The following DERPC variants were observed in gnomAD, a reference collection of about 807,000 sequenced individuals.
DERPC encodes the protein decreased expression in renal and prostate cancer protein.
A neutral mutation model predicts 7.2 loss-of-function variants in DERPC; 1 was observed. That is an observed-to-expected ratio of 0.14 (90% CI 0.05 to 0.66). DERPC has a LOEUF of 0.66. Among genes scored for constraint, DERPC ranks in the 30% least tolerant of loss-of-function variants. The pLI, the probability that DERPC is intolerant of heterozygous loss-of-function variation, is 0.84. For missense variants in DERPC, 502 were observed against 299.4 expected (o/e 1.68, Z -4.99); for synonymous variants, 185 against 117.6 (o/e 1.57, Z -3.71).
rs1462868591 is a variant in DERPC, at chr16:69,119,277, G to GGTA, written c.1149_1151dup (p.Thr384dup). Reference sequence around the variant, plus strand: ...CCTGGAGGCCAGCGGACCTTTGGAAGGTAGCTGGGTTTGATGCCAATGTGC... The same window carrying GGTA: ...CCTGGAGGCCAGCGGACCTTTGGAAGGTAGTAGCTGGGTTTGATGCCAATGTGC... On this transcript the variant is annotated inframe_insertion, in exon 3 of 3. Coordinates refer to ENST00000519520, the MANE Select transcript of DERPC (RefSeq NM_001002847.4). The GGTA allele has an allele frequency of 1.4e-6, 1 of 703,076 alleles. No individual in the cohort carries two copies. The highest frequency in any genetic ancestry group is 2.7e-5 in the East Asian group (1 of 37,286). The allele number at this position is 703,076 out of a possible 1,614,324, so 43.6% of individuals were successfully genotyped here.
chr16:69,119,490 C>T lies in DERPC; in HGVS notation c.939G>A (p.Met313Ile). The T allele has an allele frequency of 1.4e-6, 1 of 702,980 alleles. No homozygotes were observed. Among genetic ancestry groups the T allele is most frequent in the South Asian group, 1.5e-5 (1 of 67,598 alleles). 43.5% of individuals were successfully genotyped at this position (702,980 alleles called of 1,614,324 possible). A position where few individuals can be genotyped will look rare whatever the true frequency, so the allele number is the denominator to read the frequency against. ...GAGAGCTAGGACCCGAGTTTGGGCC[C>T]ATGGGGCCAGGTACTCTTGCCATGG... Reference protein sequence around the residue: ...PSSMARVPGPMGPNSGPSSRG... With the variant: ...PSSMARVPGPIGPNSGPSSRG... The change falls in exon 3 of 3, where the codon ATG (methionine) becomes ATA (isoleucine). Residue 313 changes from methionine (M) to isoleucine (I), a missense_variant. By Grantham distance (10) the Met-to-Ile change is conservative (BLOSUM62 1). Coordinates refer to ENST00000519520, the MANE Select transcript of DERPC (RefSeq NM_001002847.4).
At chr16:69,122,434 G>A (rs1018313646) in intron 1 of DERPC, among the ~76,000 whole-genome samples, 9 of 150,018 alleles carry the variant, frequency 6.0e-5, no homozygotes, top group East Asian at 2.0e-4. Flanking sequence ...GCGCAGTGGC[G>A]CCATCTCGGC....
intron 1 of DERPC, among the ~76,000 whole-genome samples, chr16:69,126,808 GTTAT>G (rs1962091585): frequency 6.6e-6 from 1 of 152,122 alleles, no homozygotes; most frequent in East Asian, 1.9e-4. Context: ...CCTGAATTCT[GTTAT>G]TTCTTTTCTT....
Position 69,131,803 on chromosome 16 carries a change from G to A in DERPC, c.-280+681C>T, listed in dbSNP as rs949616244. Among the ~76,000 whole-genome samples, 13 of 151,312 alleles carry A rather than the reference G, an allele frequency of 8.6e-5. No homozygotes were observed. In the East Asian group the frequency reaches 2.6e-3, roughly 30 times the overall value. On this transcript the variant is annotated intron_variant, in intron 1 of 2. Coordinates refer to ENST00000519520, the MANE Select transcript of DERPC (RefSeq NM_001002847.4). Reference sequence around the variant, plus strand: ...TCTCCAAATTGTTCCCGGTTCTCAAGTACTCCACTCCTCCAGGACCCCACC... The same window carrying A: ...TCTCCAAATTGTTCCCGGTTCTCAAATACTCCACTCCTCCAGGACCCCACC...
chr16:69,123,054 C>T (rs544584010), intron 1 of DERPC, among the ~76,000 whole-genome samples: 13 of 152,228 alleles, frequency 8.5e-5, no homozygotes, highest in African/African-American at 2.9e-4. Flanking sequence ...CCACTGCACC[C>T]GGCCTCTTAC....
intron 1 of DERPC, among the ~76,000 whole-genome samples, chr16:69,130,028 TGTC>T (rs1364268420): frequency 6.6e-6 from 1 of 152,248 alleles, no homozygotes; most frequent in Non-Finnish European, 1.5e-5. Context: ...GGACATTCTT[TGTC>T]AAGTATTCAT....
At chr16:69,121,857 G>T (rs1284870153) in intron 1 of DERPC, among the ~76,000 whole-genome samples, 1 of 152,174 alleles carries the variant, frequency 6.6e-6, no homozygotes, top group Non-Finnish European at 1.5e-5. Context: ...TTTTAGTAGA[G>T]ATGGGGTTTC....
intron 1 of DERPC, among the ~76,000 whole-genome samples, chr16:69,129,524 G>A (rs929016189): frequency 1.3e-5 from 2 of 151,070 alleles, no homozygotes. Flanking sequence ...AGCTAGCCTC[G>A]TTCACTTATC....
At chr16:69,130,313 G>GTT (rs199974418) in intron 1 of DERPC, among the ~76,000 whole-genome samples, 1 of 119,970 alleles carries the variant, frequency 8.3e-6, no homozygotes, top group South Asian at 2.6e-4. Flanking sequence ...TAGAAATTTT[G>GTT]TTTTTTTTTC....
chr16:69,124,420 CAG>C (rs1194895780), intron 1 of DERPC, among the ~76,000 whole-genome samples: 1 of 152,038 alleles, frequency 6.6e-6, no homozygotes, highest in Non-Finnish European at 1.5e-5. Flanking sequence ...AAATGTTAAA[CAG>C]ATTTTTTTTT....
Position 69,120,299 on chromosome 16 carries a change from G to A in DERPC, c.130C>T (p.Leu44=), listed in dbSNP as rs760281642. 11 of 873,956 alleles carry A rather than the reference G, an allele frequency of 1.3e-5. No individual in the cohort carries two copies. 54.1% of individuals were successfully genotyped at this position (873,956 alleles called of 1,614,324 possible). Residue 44 remains leucine, a synonymous_variant, in exon 3 of 3, where the codon CTG becomes TTG. Transcript: ENST00000519520. The surrounding 1 kb of genome is among the most constrained non-coding windows in gnomAD (Gnocchi z 4.0). ...GGPVLNTGHP[L]GVNSDPFLMA... is the part of the protein sequence containing the mutation. ...AGGAAGGGATCCGAGTTCACACCCAGTGGGTGGCCTGTGTTCAGAACAGGA... is the reference window on the plus strand; with the variant it reads ...AGGAAGGGATCCGAGTTCACACCCAATGGGTGGCCTGTGTTCAGAACAGGA...
intron 1 of DERPC, among the ~76,000 whole-genome samples, chr16:69,122,579 C>T (rs1471551758): frequency 6.8e-6 from 1 of 147,232 alleles, no homozygotes; most frequent in Non-Finnish European, 1.5e-5. Flanking sequence ...CTCACTGTGT[C>T]ACCCAGGCTG....
At chr16:69,123,939 A>AC (rs1002997512) in intron 1 of DERPC, among the ~76,000 whole-genome samples, 3 of 139,974 alleles carry the variant, frequency 2.1e-5, no homozygotes, top group African/African-American at 5.0e-5. Flanking sequence ...AAAAAAAAAA[A>AC]AAAAAAAACA....
intron 1 of DERPC, among the ~76,000 whole-genome samples, chr16:69,123,495 A>G (rs746296337): frequency 6.6e-6 from 1 of 152,056 alleles, no homozygotes; most frequent in Non-Finnish European, 1.5e-5. Context: ...AGTCTCTACT[A>G]AAAATACAAA....
At position 69,120,407 on chromosome 16, in the gene DERPC, G is replaced by C; in HGVS notation, c.22C>G (p.Pro8Ala). 1.2e-6 allele frequency: 2 copies of C among 1,613,288 alleles called. No individual in the cohort carries two copies. Among genetic ancestry groups the C allele is most frequent in the Non-Finnish European group, 1.7e-6 (2 of 1,179,258 alleles). MKEPRIF[P>A]RERPTPWTRA... ...GTCCAAGGAGTTGGCCGCTCTCTAG[G>C]GAAAATCCGAGGTTCTTTCATACTT... is the stretch of plus-strand genomic sequence containing the variant. The change falls in exon 3 of 3, where the codon CCT becomes GCT. Residue 8 changes from proline to alanine, a missense_variant. Transcript: ENST00000519520. This position sits in a 1 kb window ranked among gnomAD's most constrained non-coding sequence, Gnocchi z 4.0.
chr16:69,120,178 G>C lies in DERPC; in HGVS notation c.251C>G (p.Ala84Gly). The change falls in exon 3 of 3, where the codon GCA becomes GGA. Residue 84 changes from alanine to glycine, a missense_variant. Coordinates refer to ENST00000519520, the MANE Select transcript of DERPC (RefSeq NM_001002847.4). This position sits in a 1 kb window ranked among gnomAD's most constrained non-coding sequence, Gnocchi z 4.0. Reference protein sequence around the residue: ...ASSGSLASNPAPFPAGARDPS... With the variant: ...ASSGSLASNPGPFPAGARDPS... The stretch of plus-strand genomic sequence containing the variant: ...GTCACGAGCACCAGCCGGGAAAGGT[G>C]CTGGATTTGAAGCCAATGAGCCTGA... The C allele has an allele frequency of 1.4e-6, 1 of 701,750 alleles. No individual in the cohort carries two copies. The highest frequency in any genetic ancestry group is 2.6e-6 in the Non-Finnish European group (1 of 385,208). 43.5% of individuals were successfully genotyped at this position (701,750 alleles called of 1,614,324 possible).
At chr16:69,129,213 G>A (rs1470510630) in intron 1 of DERPC, among the ~76,000 whole-genome samples, 2 of 151,892 alleles carry the variant, frequency 1.3e-5, no homozygotes, top group Non-Finnish European at 2.9e-5. Context: ...GGCAGATCAC[G>A]AGGTCAGGAG....
rs1232733755 is a variant in DERPC at position 69,118,562 on chromosome 16, G to A, written c.*292C>T. 2.5e-6 allele frequency: 2 copies of A among 787,914 alleles called. No homozygotes were observed. The highest frequency in any genetic ancestry group is 3.4e-5 in the African/African-American group (2 of 58,784). The allele number at this position is 787,914 out of a possible 1,614,324, so 48.8% of individuals were successfully genotyped here. A position where few individuals can be genotyped will look rare whatever the true frequency, so the allele number is the denominator to read the frequency against. Reference sequence around the variant, plus strand: ...TCCACAAGAACAATTCAAGAAACTAGTAAGAAACAATGGGCAGAAAGCTGT... The same window carrying A: ...TCCACAAGAACAATTCAAGAAACTAATAAGAAACAATGGGCAGAAAGCTGT... On this transcript the variant is annotated 3_prime_UTR_variant, in exon 3 of 3. Transcript: ENST00000519520.
intron 2 of DERPC, 65 bp downstream of exon 2, chr16:69,121,371 A>G: frequency 2.1e-6 from 3 of 1,425,368 alleles, no homozygotes; most frequent in Non-Finnish European, 2.9e-6. Context: ...TCTTCCAGAC[A>G]CATGGCACAC....
Sources: gnomAD v4.1 joint callset for allele counts (sites outside exome capture counted in the v4.1 genomes callset) on GRCh38, gnomAD v4.1.1 for gene constraint, Gnocchi (gnomAD v3.1) non-coding constraint, MANE v1.5 for transcripts, NCBI Gene and HGNC (gene_info 2026-07-23, HGNC 2026-07-21) for gene names.